Variants in SLA2 observed in about 807,000 individuals in gnomAD.
The protein encoded by SLA2 is Src like adaptor 2.
In SLA2, 22 loss-of-function variants were observed where a neutral mutation model predicts 27.3. The observed-to-expected ratio is 0.81, with a 90% confidence interval of 0.58 to 1.15. The LOEUF is 1.15. Among genes scored for constraint, SLA2 ranks in the 50% most tolerant of loss-of-function variants. The probability of loss-of-function intolerance (pLI) is 0.00; values close to 1 mark genes in which losing one functional copy is unlikely to be tolerated. For missense variants in SLA2, 304 were observed against 322.2 expected (o/e 0.94, Z 0.43); for synonymous variants, 131 against 137.8 (o/e 0.95, Z 0.34).
rs536278492 is a variant in SLA2, at chr20:36,641,311, T to C, written c.25A>G (p.Lys9Glu). MGSLPSRRKSLPSPSLSSS... is the reference protein window; with the variant it reads MGSLPSRRESLPSPSLSSS... ...CTCAAGCTTGGGCTTGGCAGAGATT[T>C]TCTTCTGCTGGGCAGACTTCCCATT... Residue 9 changes from lysine to glutamate, a missense_variant, in exon 2 of 8, where the codon AAA becomes GAA. Physicochemically the swap from Lys to Glu is moderately conservative, Grantham distance 56. Transcript: ENST00000262866. 6.2e-7 allele frequency: 1 copy of C among 1,614,052 alleles called. No homozygotes were observed. Among genetic ancestry groups the C allele is most frequent in the African/African-American group, 1.3e-5 (1 of 75,056 alleles).
rs1216371216 is a variant in SLA2 at position 36,613,270 on chromosome 20, G to C, written c.*596C>G. The C allele has an allele frequency of 2.0e-5, 3 of 152,282 alleles. No individual in the cohort carries two copies. Among genetic ancestry groups the C allele is most frequent in the African/African-American group, 7.2e-5 (3 of 41,446 alleles). The allele number at this position is 152,282 out of a possible 1,614,324, so 9.4% of individuals were successfully genotyped here. ...GTTGTCCTCAATGGGGGACATTTGA[G>C]GACCTAGACTGTCCGAAGTCTTTCT... On this transcript the variant is annotated 3_prime_UTR_variant, in exon 8 of 8. Transcript: ENST00000262866.
intron 5 of SLA2, among the ~76,000 whole-genome samples, chr20:36,631,978 GAGA>G (rs985556061): frequency 3.0e-4 from 45 of 152,312 alleles, no homozygotes; most frequent in African/African-American, 7.7e-4. Context: ...GAACCTCTCA[GAGA>G]AGGATACGAT....
At chr20:36,629,042 C>T (rs1233326581) in intron 5 of SLA2, among the ~76,000 whole-genome samples, 3 of 151,806 alleles carry the variant, frequency 2.0e-5, no homozygotes, top group East Asian at 3.9e-4. Context: ...GACCTGGAGA[C>T]CTTAGTCCCG....
rs375474423 is a variant in SLA2, at chr20:36,634,443, C to A, written c.191+47G>T. The stretch of plus-strand genomic sequence containing the variant: ...GCGCTACAGGCACACACCACCATGC[C>A]TGGCTCTATTAGTGCATATTCAGGT... On this transcript the variant is annotated intron_variant, in intron 3 of 7. Coordinates refer to ENST00000262866, the MANE Select transcript of SLA2 (RefSeq NM_032214.4). The A allele has an allele frequency of 1.7e-5, 24 of 1,393,742 alleles. No individual in the cohort carries two copies. The African/African-American group carries it at 3.3e-4, about 19-fold the overall frequency. The allele number at this position is 1,393,742 out of a possible 1,614,324, so 86.3% of individuals were successfully genotyped here.
chr20:36,628,395 C>T (rs1260258121), intron 5 of SLA2, among the ~76,000 whole-genome samples: 4 of 152,206 alleles, frequency 2.6e-5, no homozygotes, highest in East Asian at 1.9e-4. Flanking sequence ...ACTACAAACA[C>T]GCACTGGTCC....
rs1040596779 is a variant in SLA2 at position 36,613,514 on chromosome 20, A to T, written c.*352T>A. The T allele has an allele frequency of 5.4e-6, 1 of 185,306 alleles. No individual in the cohort carries two copies. The allele number at this position is 185,306 out of a possible 1,614,324, so 11.5% of individuals were successfully genotyped here. On this transcript the variant is annotated 3_prime_UTR_variant, in exon 8 of 8. Coordinates refer to ENST00000262866, the MANE Select transcript of SLA2 (RefSeq NM_032214.4). ...GGGGCCTGGTTAATGGTGGGGATGT[A>T]GAATGGGGCTCAACAGGCAGGGCAT...
chr20:36,641,473 A>G (rs1311567493), intron 1 of SLA2, 95 bp from the exon 2 acceptor site: 25 of 651,016 alleles, frequency 3.8e-5, no homozygotes, highest in Non-Finnish European at 5.9e-5. Flanking sequence ...ACCTCCTCAC[A>G]GAGCATGTGA....
chr20:36,631,054 C>T (rs2039388899), intron 5 of SLA2, among the ~76,000 whole-genome samples: 1 of 152,196 alleles, frequency 6.6e-6, no homozygotes, highest in Non-Finnish European at 1.5e-5. Context: ...GGAGGAATCA[C>T]CTCCTAGTCA....
intron 5 of SLA2, among the ~76,000 whole-genome samples, chr20:36,624,319 G>T (rs571876952): frequency 6.6e-6 from 1 of 151,968 alleles, no homozygotes; most frequent in Non-Finnish European, 1.5e-5. Context: ...CTCTAAACTC[G>T]CCACTCCCCT....
intron 6 of SLA2, 77 bp downstream of exon 6, chr20:36,615,148 A>G (rs1248619386): frequency 4.4e-6 from 7 of 1,601,082 alleles, no homozygotes; most frequent in South Asian, 1.1e-5. Flanking sequence ...CAGTAGGTAA[A>G]ATATCCAAGG....
chr20:36,613,768 CT>C lies in SLA2; in HGVS notation c.*97del. On this transcript the variant is annotated 3_prime_UTR_variant, in exon 8 of 8. Coordinates refer to ENST00000262866, the MANE Select transcript of SLA2 (RefSeq NM_032214.4). ...GATGCACCTCTGTGTCCCACCCTCC[CT>C]CCCTGAGTGCACAGCCTTGCCTCTG... is the stretch of plus-strand genomic sequence containing the variant. 3.0e-6 allele frequency: 2 copies of C among 663,160 alleles called. No individual in the cohort carries two copies. Among genetic ancestry groups the C allele is most frequent in the Non-Finnish European group, 5.0e-6 (2 of 403,916 alleles). 41.1% of individuals were successfully genotyped at this position (663,160 alleles called of 1,614,324 possible).
At chr20:36,614,278 C>T (rs768749199) in intron 7 of SLA2, 27 bp downstream of exon 7, 5 of 1,614,026 alleles carry the variant, frequency 3.1e-6, no homozygotes, top group Admixed American at 1.7e-5. Flanking sequence ...GTCCTGCTTT[C>T]ATGTTTCCAG....
At chr20:36,617,583 C>T (rs374309558) in intron 5 of SLA2, among the ~76,000 whole-genome samples, 1 of 150,140 alleles carries the variant, frequency 6.7e-6, no homozygotes, top group African/African-American at 2.5e-5. Flanking sequence ...ATGGGCCGGG[C>T]GCGGTGGCTC....
At position 36,615,352 on chromosome 20, in the gene SLA2, G is replaced by A. The variant is rs759279198; in HGVS notation, c.405C>T (p.Arg135=). 2.5e-6 allele frequency: 4 copies of A among 1,614,086 alleles called. No homozygotes were observed. Among genetic ancestry groups the A allele is most frequent in the Non-Finnish European group, 3.4e-6 (4 of 1,180,030 alleles). Residue 135 remains arginine (R), a synonymous_variant, in exon 6 of 8, where the codon CGC becomes CGT. Coordinates refer to ENST00000262866, the MANE Select transcript of SLA2 (RefSeq NM_032214.4). ...GGTCCCAGGATGCAGGGCGGCTGAG[G>A]CGGACTGACAGAGAGTAAGAGCCTG... ...TRRGSYSLSV[R]LSRPASWDRI...
At chr20:36,644,890 T>C (rs1031488053) in intron 1 of SLA2, among the ~76,000 whole-genome samples, 7 of 75,008 alleles carry the variant, frequency 9.3e-5, no homozygotes, top group Admixed American at 1.6e-4. Context: ...TTTTTTTTTT[T>C]CAGTATCTCA....
intron 1 of SLA2, among the ~76,000 whole-genome samples, chr20:36,641,633 C>T (rs778723126): frequency 3.3e-5 from 5 of 152,106 alleles, no homozygotes; most frequent in Admixed American, 6.6e-5. Context: ...TGGGTCCCTC[C>T]GATGGGCAGT....
At chr20:36,628,485 T>C (rs1442002716) in intron 5 of SLA2, among the ~76,000 whole-genome samples, 1 of 152,112 alleles carries the variant, frequency 6.6e-6, no homozygotes, top group Non-Finnish European at 1.5e-5. Flanking sequence ...GCAGGCCACA[T>C]CCCTGACCAG....
chr20:36,636,466 G>A (rs2039448280), intron 2 of SLA2, among the ~76,000 whole-genome samples: 1 of 147,462 alleles, frequency 6.8e-6, no homozygotes, highest in Non-Finnish European at 1.5e-5. Flanking sequence ...TTAGCCCTAT[G>A]TGGTGGTGCA....
At chr20:36,619,884 G>A (rs1335164748) in intron 5 of SLA2, among the ~76,000 whole-genome samples, 1 of 150,338 alleles carries the variant, frequency 6.7e-6, no homozygotes, top group Non-Finnish European at 1.5e-5. Context: ...CACCTGTCTC[G>A]GCCTCCCAAA....
Sources: gnomAD v4.1 joint callset for allele counts (sites outside exome capture counted in the v4.1 genomes callset) on GRCh38, gnomAD v4.1.1 for gene constraint, MANE v1.5 for transcripts, NCBI Gene and HGNC (gene_info 2026-07-23, HGNC 2026-07-21) for gene names.